Variants in RALGAPA1 observed in about 807,000 individuals in gnomAD.
The protein encoded by RALGAPA1 is Ral GTPase activating protein catalytic subunit alpha 1, also known as ral GTPase-activating protein subunit alpha-1.
Under a neutral mutation model 269.6 loss-of-function variants are expected in RALGAPA1, and 52 were observed. That is an observed-to-expected ratio of 0.19 (90% CI 0.15 to 0.24). The LOEUF is 0.24. RALGAPA1 is among the 10% of genes least tolerant of loss of function. The probability of loss-of-function intolerance (pLI) is 1.00; values close to 1 mark genes in which losing one functional copy is unlikely to be tolerated. For synonymous variants in RALGAPA1, 817 were observed against 1,008.3 expected, an observed-to-expected ratio of 0.81 and a Z score of 3.60; for missense variants, 1,917 against 3,013.9, an observed-to-expected ratio of 0.64 and a Z score of 8.52.
At chr14:35,764,521 C>T (rs1395600731) in intron 4 of RALGAPA1, among the ~76,000 whole-genome samples, 1 of 151,746 alleles carries the variant, frequency 6.6e-6, no homozygotes, top group Non-Finnish European at 1.5e-5. Flanking sequence ...TCTTCTGATG[C>T]AGATAAGTTT....
intron 16 of RALGAPA1, among the ~76,000 whole-genome samples, chr14:35,705,047 A>C (rs1316907855): frequency 6.6e-6 from 1 of 152,142 alleles, no homozygotes; most frequent in East Asian, 1.9e-4. Flanking sequence ...ATAAAAAATG[A>C]GTGTCAACTA....
chr14:35,748,257 ATTAC>A (rs60820414), intron 10 of RALGAPA1: 3,482 of 161,342 alleles, frequency 0.022, 129 homozygotes, highest in South Asian at 0.14. Flanking sequence ...TAGTTTAATA[ATTAC>A]TTAGTTTAAA....
At chr14:35,692,684 A>G (rs1208850800) in intron 17 of RALGAPA1, among the ~76,000 whole-genome samples, 3 of 151,966 alleles carry the variant, frequency 2.0e-5, no homozygotes, top group Admixed American at 6.6e-5. Context: ...CTTTCATGGC[A>G]CATAATAATA....
intron 31 of RALGAPA1, among the ~76,000 whole-genome samples, chr14:35,649,675 G>T (rs1257196675): frequency 6.6e-6 from 1 of 152,048 alleles, no homozygotes; most frequent in Non-Finnish European, 1.5e-5. Flanking sequence ...AACTTTAAAA[G>T]AATTTTTCCT....
At chr14:35,675,036 C>T (rs542854471) in intron 22 of RALGAPA1, among the ~76,000 whole-genome samples, 139 of 152,266 alleles carry the variant, frequency 9.1e-4, no homozygotes, top group South Asian at 2.7e-3. Flanking sequence ...CATACTCTCA[C>T]TTTTATCTAA....
chr14:35,723,388 A>C, intron 14 of RALGAPA1, 124 bp from the exon 15 acceptor site: 1 of 588,562 alleles, frequency 1.7e-6, no homozygotes, highest in South Asian at 2.4e-5. Context: ...TGCTTTTTTT[A>C]ATAGATAATA....
At position 35,689,777 on chromosome 14, in the gene RALGAPA1, T is replaced by C; in HGVS notation, c.2634A>G (p.Thr878=). The C allele has an allele frequency of 1.3e-6, 2 of 1,526,892 alleles. No individual in the cohort carries two copies. Among genetic ancestry groups the C allele is most frequent in the South Asian group, 1.3e-5 (1 of 78,634 alleles). 94.6% of individuals were successfully genotyped at this position (1,526,892 alleles called of 1,614,324 possible). The part of the protein sequence containing the change: ...SRHAPSLQSS[T]EASSITRSTE... ...TGGATCTAGTTATTGAAGAAGCCTCTGTGGAACTCTGCAAGCTTGGTGCAT... is the reference window on the plus strand; with the variant it reads ...TGGATCTAGTTATTGAAGAAGCCTCCGTGGAACTCTGCAAGCTTGGTGCAT... The change falls in exon 18 of 42, where the codon ACA becomes ACG. Residue 878 remains threonine (T), a synonymous_variant. Transcript: ENST00000680220.
At chr14:35,761,776 G>T (rs1351605754) in intron 5 of RALGAPA1, among the ~76,000 whole-genome samples, 1 of 152,170 alleles carries the variant, frequency 6.6e-6, no homozygotes, top group Non-Finnish European at 1.5e-5. Flanking sequence ...TGATAGCTTT[G>T]TAAATTACCT....
At chr14:35,682,204 T>C (rs2065500674) in intron 21 of RALGAPA1, among the ~76,000 whole-genome samples, 1 of 152,198 alleles carries the variant, frequency 6.6e-6, no homozygotes, top group Non-Finnish European at 1.5e-5. Context: ...GTTACTGCCA[T>C]ATTTTCCCAG....
At chr14:35,761,613 A>G (rs1294291595) in intron 5 of RALGAPA1, among the ~76,000 whole-genome samples, 1 of 152,208 alleles carries the variant, frequency 6.6e-6, no homozygotes, top group East Asian at 1.9e-4. Flanking sequence ...TACTCTATTA[A>G]AGCATCTAAA....
chr14:35,740,897 A>G (rs1194802687), intron 11 of RALGAPA1, among the ~76,000 whole-genome samples: 1 of 152,202 alleles, frequency 6.6e-6, no homozygotes, highest in Non-Finnish European at 1.5e-5. Context: ...GTAACACCAA[A>G]AATTTAAATG....
intron 36 of RALGAPA1, among the ~76,000 whole-genome samples, chr14:35,599,176 G>A (rs896631208): frequency 6.6e-6 from 1 of 152,118 alleles, no homozygotes; most frequent in Non-Finnish European, 1.5e-5. Flanking sequence ...AAACACATTA[G>A]ACAGTGTTAT....
intron 39 of RALGAPA1, among the ~76,000 whole-genome samples, chr14:35,560,160 C>T (rs1292337617): frequency 6.6e-6 from 1 of 152,154 alleles, no homozygotes; most frequent in Non-Finnish European, 1.5e-5. Flanking sequence ...GGGTAAAAAA[C>T]ACACAATAGC....
At chr14:35,558,941 C>A (rs528500576) in intron 39 of RALGAPA1, among the ~76,000 whole-genome samples, 2 of 152,274 alleles carry the variant, frequency 1.3e-5, no homozygotes, top group African/African-American at 4.8e-5. Context: ...CATACTGGAC[C>A]ATATGCCAAC....
chr14:35,674,266 G>C lies in RALGAPA1; in HGVS notation c.4831C>G (p.Leu1611Val). 6.2e-7 allele frequency: 1 copy of C among 1,609,726 alleles called. No homozygotes were observed. The highest frequency in any genetic ancestry group is 2.2e-5 in the East Asian group (1 of 44,678). The change falls in exon 24 of 42, where the codon CTT becomes GTT. Residue 1611 changes from leucine to valine, a missense_variant. Physicochemically the swap from Leu to Val is conservative, Grantham distance 32. Coordinates refer to ENST00000680220, the MANE Select transcript of RALGAPA1 (RefSeq NM_001346249.2). ...GTCAGGTTATCAGTTGAAATGCCAA[G>C]GTTATCTCTAATCTGTAATTTTCAA... ...WQNLAKIRDN[L>V]GISTDNLTSP...
rs760504732 is a variant in RALGAPA1 at position 35,570,660 on chromosome 14, C to A, written c.7453G>T (p.Ala2485Ser). 2.5e-6 allele frequency: 4 copies of A among 1,609,446 alleles called. No individual in the cohort carries two copies. The highest frequency in any genetic ancestry group is 3.4e-6 in the Non-Finnish European group (4 of 1,178,638). Residue 2485 changes from alanine to serine, a missense_variant, in exon 39 of 42, where the codon GCA becomes TCA. Physicochemically the swap from Ala to Ser is moderately conservative, Grantham distance 99 (BLOSUM62 1). Transcript: ENST00000680220. ...ATCAGAGATTTCAGAGCACGGCTTG[C>A]ATTTATAGCTGTTGCTCTAACCATA... ...PIMVRATAIN[A>S]SRALKSLIPL...
chr14:35,679,971 A>G (rs1438576297), intron 21 of RALGAPA1, among the ~76,000 whole-genome samples: 1 of 152,182 alleles, frequency 6.6e-6, no homozygotes, highest in Non-Finnish European at 1.5e-5. Context: ...ATATGGCACA[A>G]AAATCATATG....
chr14:35,675,917 T>C (rs771235541), intron 22 of RALGAPA1, among the ~76,000 whole-genome samples: 2 of 152,188 alleles, frequency 1.3e-5, no homozygotes, highest in Non-Finnish European at 2.9e-5. Context: ...GTACATTCTT[T>C]ACTCCTAATG....
intron 35 of RALGAPA1, among the ~76,000 whole-genome samples, chr14:35,613,963 T>C (rs973533424): frequency 8.5e-5 from 13 of 152,298 alleles, no homozygotes; most frequent in Admixed American, 2.6e-4. Context: ...AATCATGAGA[T>C]ATTTTAGGCT....
Sources: allele counts gnomAD v4.1 joint callset (sites outside exome capture counted in the v4.1 genomes callset), GRCh38; gene constraint gnomAD v4.1.1; transcripts MANE v1.5; gene names NCBI Gene and HGNC (gene_info 2026-07-23, HGNC 2026-07-21).